Variants in TECRL observed in about 807,000 individuals in gnomAD.
The protein encoded by TECRL is trans-2,3-enoyl-CoA reductase like, also known as trans-2,3-enoyl-CoA reductase-like.
Under a neutral mutation model 52.8 loss-of-function variants are expected in TECRL, and 63 were observed. The ratio of observed to expected loss-of-function variants is 1.19; its 90% CI spans 0.97 to 1.47. TECRL has a LOEUF of 1.47. TECRL is among the 40% of genes most tolerant of loss of function. TECRL has a pLI of 0.00. For synonymous variants in TECRL, 164 were observed against 141.9 expected (o/e 1.16, Z -1.10); for missense variants, 482 against 429.6 (o/e 1.12, Z -1.08).
chr4:64,395,943 C>T (rs138430682), intron 1 of TECRL, among the ~76,000 whole-genome samples: 1 of 152,082 alleles, frequency 6.6e-6, no homozygotes, highest in Non-Finnish European at 1.5e-5. Context: ...TTCTGTTCCT[C>T]AGTTAATTCA....
intron 5 of TECRL, among the ~76,000 whole-genome samples, chr4:64,310,499 G>T (rs1438912480): frequency 6.6e-6 from 1 of 151,896 alleles, no homozygotes; most frequent in Non-Finnish European, 1.5e-5. Context: ...TGTTTGTGTT[G>T]CTGTACTCTA....
chr4:64,297,678 C>A (rs1723766174), intron 8 of TECRL, among the ~76,000 whole-genome samples: 1 of 151,054 alleles, frequency 6.6e-6, no homozygotes, highest in Admixed American at 6.6e-5. Context: ...TAATAACTTT[C>A]AAACATACAT....
rs554779249 is a variant in TECRL at position 64,314,563 on chromosome 4, C to G, written c.551+85G>C. On this transcript the variant is annotated intron_variant, in intron 5 of 11. Transcript: ENST00000381210. ...CCTTTATTAATATTTTACCTGCTTA[C>G]TAGTTCATCCCCTCCTTAACGTGTA... is the stretch of plus-strand genomic sequence containing the variant. The G allele has an allele frequency of 7.1e-5, 71 of 1,000,254 alleles. 1 individual carries two copies. The South Asian group carries it at 9.6e-4, about 14-fold the overall frequency. The allele number at this position is 1,000,254 out of a possible 1,614,324, so 62.0% of individuals were successfully genotyped here.
intron 1 of TECRL, among the ~76,000 whole-genome samples, chr4:64,381,320 T>C (rs1041977026): frequency 6.6e-6 from 1 of 152,058 alleles, no homozygotes; most frequent in African/African-American, 2.4e-5. Context: ...ATATATAAGA[T>C]TATGTCATCT....
chr4:64,310,414 C>T (rs994450989), intron 5 of TECRL, among the ~76,000 whole-genome samples: 1 of 152,092 alleles, frequency 6.6e-6, no homozygotes, highest in Non-Finnish European at 1.5e-5. Flanking sequence ...ATTTTCTGTG[C>T]AGTAATAATG....
chr4:64,394,268 G>A (rs371978795), intron 1 of TECRL, among the ~76,000 whole-genome samples: 30 of 152,246 alleles, frequency 2.0e-4, no homozygotes, highest in Middle Eastern at 3.4e-3. Context: ...GGCAGGTAGC[G>A]TAGCCTATGC....
intron 2 of TECRL, among the ~76,000 whole-genome samples, chr4:64,369,493 A>G (rs144858485): frequency 0.012 from 1,901 of 152,220 alleles, 45 homozygotes; most frequent in African/African-American, 0.043. Flanking sequence ...AAGGATTAAT[A>G]AATAACCTTT....
At chr4:64,283,664 G>A (rs531039302) in intron 9 of TECRL, among the ~76,000 whole-genome samples, 50 of 152,160 alleles carry the variant, frequency 3.3e-4, no homozygotes, top group African/African-American at 1.2e-3. Flanking sequence ...CTCGAAGAGG[G>A]CAGAAAAAGC....
At chr4:64,305,786 A>G (rs1279486202) in intron 6 of TECRL, among the ~76,000 whole-genome samples, 1 of 152,158 alleles carries the variant, frequency 6.6e-6, no homozygotes, top group Admixed American at 6.6e-5. Flanking sequence ...CACAGATGCA[A>G]CACCCCCAGG....
chr4:64,340,817 G>A (rs1719516349), intron 2 of TECRL, among the ~76,000 whole-genome samples: 1 of 152,102 alleles, frequency 6.6e-6, no homozygotes, highest in African/African-American at 2.4e-5. Flanking sequence ...GTCTTTTCTG[G>A]GCCCTCCCTT....
In TECRL at chr4:64,286,283, G is replaced by T. The variant is rs554334468; in HGVS notation, c.832+3427C>A. ...AAGAGTTGATTGTACTCAAGAAATT[G>T]TGGACAAGGAAGAAACTTTCCCAGT... On this transcript the variant is annotated intron_variant, in intron 9 of 11. Transcript: ENST00000381210. 2.6e-5 allele frequency among the ~76,000 whole-genome samples: 4 copies of T among 152,128 alleles called. No homozygotes were observed. The East Asian group carries it at 7.7e-4, about 29-fold the overall frequency.
intron 1 of TECRL, among the ~76,000 whole-genome samples, chr4:64,407,960 T>C (rs1247949443): frequency 1.3e-5 from 2 of 151,688 alleles, no homozygotes; most frequent in East Asian, 3.9e-4. Context: ...ATCGCTTATA[T>C]ATGGCCTCAG....
chr4:64,286,405 T>C (rs576515267), intron 9 of TECRL, among the ~76,000 whole-genome samples: 2 of 151,884 alleles, frequency 1.3e-5, no homozygotes, highest in South Asian at 2.1e-4. Flanking sequence ...GGGACAAAGA[T>C]AGTCAAAGAG....
intron 1 of TECRL, among the ~76,000 whole-genome samples, chr4:64,392,903 T>C (rs957700971): frequency 6.6e-6 from 1 of 151,942 alleles, no homozygotes; most frequent in South Asian, 2.1e-4. Context: ...AAATGAACAA[T>C]TAAGCCATCT....
chr4:64,342,649 C>G (rs1453397273), intron 2 of TECRL, among the ~76,000 whole-genome samples: 1 of 151,942 alleles, frequency 6.6e-6, no homozygotes, highest in Admixed American at 6.6e-5. Context: ...TTCCATGAAT[C>G]TTAGTGTTCT....
intron 1 of TECRL, among the ~76,000 whole-genome samples, chr4:64,403,183 T>A (rs1724476365): frequency 6.6e-6 from 1 of 152,028 alleles, no homozygotes; most frequent in Admixed American, 6.6e-5. Flanking sequence ...TTTCTCTTCC[T>A]ACTCATTACA....
intron 8 of TECRL, among the ~76,000 whole-genome samples, chr4:64,291,916 C>T (rs1723412054): frequency 6.6e-6 from 1 of 151,976 alleles, no homozygotes; most frequent in African/African-American, 2.4e-5. Flanking sequence ...GAAAAAACAA[C>T]TATATCTCTA....
At chr4:64,359,981 A>G (rs1050877383) in intron 2 of TECRL, among the ~76,000 whole-genome samples, 1 of 152,188 alleles carries the variant, frequency 6.6e-6, no homozygotes, top group Non-Finnish European at 1.5e-5. Flanking sequence ...TGTACTTAAA[A>G]GACCTTTTAG....
chr4:64,363,424 C>A (rs1721340407), intron 2 of TECRL, among the ~76,000 whole-genome samples: 2 of 152,118 alleles, frequency 1.3e-5, no homozygotes, highest in Admixed American at 1.3e-4. Context: ...TTACTTCCTG[C>A]AGAAAGGGTA....
Sources: gnomAD v4.1 joint callset for allele counts (sites outside exome capture counted in the v4.1 genomes callset) on GRCh38, gnomAD v4.1.1 for gene constraint, MANE v1.5 for transcripts, NCBI Gene and HGNC (gene_info 2026-07-23, HGNC 2026-07-21) for gene names.